The following RND3 variants were observed in gnomAD, a reference collection of about 807,000 sequenced individuals.
RND3 encodes rho-related GTP-binding protein RhoE.
Under a neutral mutation model 26.5 loss-of-function variants are expected in RND3, and 8 were observed. That is an observed-to-expected ratio of 0.30 (90% CI 0.18 to 0.54). The LOEUF (loss-of-function observed/expected upper bound fraction) is 0.54, where lower values mean the gene tolerates loss of function less well. Among genes scored for constraint, RND3 ranks in the 20% least tolerant of loss-of-function variants. RND3 has a pLI of 0.94. For synonymous variants in RND3, 113 were observed against 113.0 expected (o/e 1.00, Z 0.00); for missense variants, 207 against 302.8 (o/e 0.68, Z 2.35).
Position 150,469,668 on chromosome 2 carries a change from A to G in RND3, c.*319T>C. 3.7e-6 allele frequency: 1 copy of G among 268,492 alleles called. No individual in the cohort carries two copies. The highest frequency in any genetic ancestry group is 7.0e-6 in the Non-Finnish European group (1 of 143,134). The allele number at this position is 268,492 out of a possible 1,614,324, so 16.6% of individuals were successfully genotyped here. A position where few individuals can be genotyped will look rare whatever the true frequency, so the allele number is the denominator to read the frequency against. On this transcript the variant is annotated 3_prime_UTR_variant, in exon 6 of 6. Transcript: ENST00000263895. Reference sequence around the variant, plus strand: ...CAAAAAAAAAAAACCCAAAAATGCAAGCACCATTCAGAGTGTGATTTTTCT... The same window carrying G: ...CAAAAAAAAAAAACCCAAAAATGCAGGCACCATTCAGAGTGTGATTTTTCT...
chr2:150,483,121 CAA>C (rs1368164121), intron 3 of RND3, among the ~76,000 whole-genome samples: 1 of 152,006 alleles, frequency 6.6e-6, no homozygotes, highest in Admixed American at 6.5e-5. Flanking sequence ...TTTCTTGGTG[CAA>C]AGAGACTTCA....
At chr2:150,478,714 T>A (rs970285986) in intron 3 of RND3, among the ~76,000 whole-genome samples, 1 of 151,994 alleles carries the variant, frequency 6.6e-6, no homozygotes, top group Non-Finnish European at 1.5e-5. Context: ...TATGAAAGTA[T>A]TCAACTTTAA....
At chr2:150,477,267 C>G (rs540845203) in intron 3 of RND3, among the ~76,000 whole-genome samples, 2 of 152,242 alleles carry the variant, frequency 1.3e-5, no homozygotes, top group South Asian at 4.1e-4. Context: ...TTCCAGGTGC[C>G]TACCAGCTCC....
intron 3 of RND3, among the ~76,000 whole-genome samples, chr2:150,482,729 G>A (rs539573964): frequency 2.1e-5 from 3 of 140,772 alleles, no homozygotes; most frequent in Admixed American, 7.0e-5. Context: ...GGGCGGGGGT[G>A]GGGGGGGCGG....
intron 5 of RND3, 47 bp downstream of exon 5, chr2:150,471,580 T>C (rs766193845): frequency 1.3e-6 from 2 of 1,503,040 alleles, no homozygotes; most frequent in Admixed American, 2.1e-5. Context: ...AGTCCATTTC[T>C]TTCACTCTTT....
rs560419179 is a variant in RND3, at chr2:150,486,609, T to C, written c.238+85A>G. The C allele has an allele frequency of 2.0e-5, 19 of 951,848 alleles. No homozygotes were observed. The East Asian group carries it at 3.3e-4, about 17-fold the overall frequency. The allele number at this position is 951,848 out of a possible 1,614,324, so 59.0% of individuals were successfully genotyped here. A position where few individuals can be genotyped will look rare whatever the true frequency, so the allele number is the denominator to read the frequency against. ...CCTTGGGAGGGGCGCAGACGGCTTG[T>C]AGCGCGCGGTTTCCCGAGACCCGCC... On this transcript the variant is annotated intron_variant, in intron 3 of 5. Transcript: ENST00000263895. This position sits in a 1 kb window ranked among gnomAD's most constrained non-coding sequence, Gnocchi z 4.5.
At chr2:150,483,283 T>C (rs1416189495) in intron 3 of RND3, among the ~76,000 whole-genome samples, 2 of 152,126 alleles carry the variant, frequency 1.3e-5, no homozygotes, top group Non-Finnish European at 2.9e-5. Context: ...GTTTCTGTCT[T>C]CTAAATGGTT....
intron 2 of RND3, 192 bp downstream of exon 2, chr2:150,487,076 C>T (rs995847326): frequency 3.3e-6 from 2 of 609,236 alleles, no homozygotes; most frequent in African/African-American, 1.8e-5. Context: ...CGCGTCCCAA[C>T]CCTAAAAGCT....
chr2:150,481,082 G>A (rs1259635279), intron 3 of RND3, among the ~76,000 whole-genome samples: 1 of 152,176 alleles, frequency 6.6e-6, no homozygotes, highest in Non-Finnish European at 1.5e-5. Context: ...TGTTTTATCT[G>A]AGAGCCACTA....
Position 150,486,677 on chromosome 2 carries a change from G to T in RND3, c.238+17C>A. Reference sequence around the variant, plus strand: ...TGGAAACCCGCCCCAAGCGCCACGCGGTCCTCCCACTCTTACCCGAAGTGT... The same window carrying T: ...TGGAAACCCGCCCCAAGCGCCACGCTGTCCTCCCACTCTTACCCGAAGTGT... On this transcript the variant is annotated intron_variant, in intron 3 of 5. Coordinates refer to ENST00000263895, the MANE Select transcript of RND3 (RefSeq NM_005168.5). The surrounding 1 kb of genome is among the most constrained non-coding windows in gnomAD (Gnocchi z 4.5). The T allele has an allele frequency of 6.3e-7, 1 of 1,575,896 alleles. No homozygotes were observed. The highest frequency in any genetic ancestry group is 8.7e-7 in the Non-Finnish European group (1 of 1,145,218).
Position 150,470,139 on chromosome 2 carries a change from A to C in RND3, c.583T>G (p.Leu195Val). The change falls in exon 6 of 6, where the codon TTG becomes GTG. Residue 195 changes from leucine to valine, a missense_variant. Physicochemically the swap from Leu to Val is conservative, Grantham distance 32 (BLOSUM62 1). Transcript: ENST00000263895. ...TTATTTGTCTTATTTACACATGCCA[A>C]GGTGGCAACGTGAAAAATGTCTCTG... is the stretch of plus-strand genomic sequence containing the variant. Reference protein sequence around the residue: ...SVRDIFHVATLACVNKTNKNV... With the variant: ...SVRDIFHVATVACVNKTNKNV... The C allele has an allele frequency of 6.2e-7, 1 of 1,614,056 alleles. No individual in the cohort carries two copies.
intron 3 of RND3, among the ~76,000 whole-genome samples, chr2:150,476,303 T>C (rs1686163755): frequency 6.6e-6 from 1 of 152,332 alleles, no homozygotes; most frequent in Admixed American, 6.5e-5. Context: ...TGTCACTGTT[T>C]ATATTTCTAT....
intron 3 of RND3, 115 bp from the exon 4 acceptor site, chr2:150,475,099 A>G (rs1686144138): frequency 1.6e-6 from 1 of 619,052 alleles, no homozygotes; most frequent in Admixed American, 2.7e-5. Context: ...CCCAACTCCC[A>G]CTTCCCCTAA....
chr2:150,470,324 C>G (rs1423942264), intron 5 of RND3, 86 bp from the exon 6 acceptor site: 2 of 1,392,160 alleles, frequency 1.4e-6, no homozygotes, highest in East Asian at 4.7e-5. Context: ...AAAATAATAA[C>G]ACATTGCAAA....
intron 3 of RND3, among the ~76,000 whole-genome samples, chr2:150,477,451 G>A (rs1166289135): frequency 6.6e-6 from 1 of 152,168 alleles, no homozygotes; most frequent in Non-Finnish European, 1.5e-5. Flanking sequence ...GGAAAATCCT[G>A]AGGAATGGTT....
At chr2:150,477,794 T>A (rs895744782) in intron 3 of RND3, among the ~76,000 whole-genome samples, 4 of 152,198 alleles carry the variant, frequency 2.6e-5, no homozygotes, top group African/African-American at 7.2e-5. Context: ...AGTGCAAAGG[T>A]TTATGAGAAA....
intron 4 of RND3, among the ~76,000 whole-genome samples, chr2:150,474,212 C>T (rs564568343): frequency 6.6e-6 from 1 of 152,278 alleles, no homozygotes; most frequent in East Asian, 1.9e-4. Flanking sequence ...CTTGATCTCC[C>T]CCTGGTTCCT....
intron 4 of RND3, 43 bp downstream of exon 4, chr2:150,474,832 C>T: frequency 9.0e-7 from 1 of 1,108,360 alleles, no homozygotes; most frequent in Non-Finnish European, 1.4e-6. Context: ...TCTATTTATA[C>T]ATCACCCAGT....
At chr2:150,487,197 G>A (rs1686389483) in intron 2 of RND3, 71 bp downstream of exon 2, 2 of 1,140,244 alleles carry the variant, frequency 1.8e-6, no homozygotes, top group Non-Finnish European at 2.4e-6. Flanking sequence ...GATGAAAGCG[G>A]GGAGGCCCAC....
Sources: allele counts gnomAD v4.1 joint callset (sites outside exome capture counted in the v4.1 genomes callset), GRCh38; gene constraint gnomAD v4.1.1; non-coding constraint Gnocchi (gnomAD v3.1); transcripts MANE v1.5; gene names NCBI Gene and HGNC (gene_info 2026-07-23, HGNC 2026-07-21).